Variants in SCEL observed in about 807,000 individuals in gnomAD.
SCEL encodes the protein sciellin.
A neutral mutation model predicts 117.6 loss-of-function variants in SCEL; 113 were observed. That is an observed-to-expected ratio of 0.96 (90% CI 0.83 to 1.12). The LOEUF is 1.12. SCEL is among the 50% of genes most tolerant of loss of function. The pLI is 0.00. For synonymous variants in SCEL, 270 were observed against 256.2 expected, an observed-to-expected ratio of 1.05 and a Z score of -0.51; for missense variants, 785 against 810.8, an observed-to-expected ratio of 0.97 and a Z score of 0.39.
intron 1 of SCEL, among the ~76,000 whole-genome samples, chr13:77,552,034 T>C (rs1316229085): frequency 2.6e-5 from 4 of 152,034 alleles, no homozygotes; most frequent in Non-Finnish European, 5.9e-5. Flanking sequence ...TCATCATTTT[T>C]TATGGCTGCA....
At chr13:77,623,749 C>T (rs1033604877) in intron 27 of SCEL, among the ~76,000 whole-genome samples, 6 of 152,218 alleles carry the variant, frequency 3.9e-5, no homozygotes, top group African/African-American at 9.6e-5. Flanking sequence ...AGAGGTTGAG[C>T]GACAGGTGGG....
chr13:77,569,530 T>G lies in SCEL; in HGVS notation c.479+79T>G, dbSNP rs559546921. On this transcript the variant is annotated intron_variant, in intron 8 of 32. Coordinates refer to ENST00000349847, the MANE Select transcript of SCEL (RefSeq NM_144777.3). The stretch of plus-strand genomic sequence containing the variant: ...TTAGAAAGCTTCCTCCTCTTTTTTG[T>G]GGGGATCCAGCATCTACATTCTGCT... 1.6e-4 allele frequency: 172 copies of G among 1,089,036 alleles called. 4 individuals are homozygous for G. In the East Asian group the frequency reaches 4.1e-3, roughly 26 times the overall value. The allele number at this position is 1,089,036 out of a possible 1,614,324, so 67.5% of individuals were successfully genotyped here.
rs763275814 is a variant in SCEL at position 77,556,596 on chromosome 13, A to G, written c.44A>G (p.Glu15Gly). The change falls in exon 3 of 33, where the codon GAG (glutamate) becomes GGG (glycine). Residue 15 changes from glutamate to glycine, a missense_variant and splice_region_variant. By Grantham distance (98) the Glu-to-Gly change is moderately conservative. Coordinates refer to ENST00000349847, the MANE Select transcript of SCEL (RefSeq NM_144777.3). ...CAGTCTTTCATGTTTCTGTTGATAG[A>G]GATGAAGAGCACCACTCAGGGAACC... ...TLRKMSPTGN[E>G]MKSTTQGTTR... The G allele has an allele frequency of 1.4e-5, 22 of 1,611,842 alleles. No individual in the cohort carries two copies. Among genetic ancestry groups the G allele is most frequent in the Admixed American group, 8.3e-5 (5 of 59,992 alleles).
intron 1 of SCEL, among the ~76,000 whole-genome samples, chr13:77,551,660 C>A (rs1266835296): frequency 6.6e-6 from 1 of 151,940 alleles, no homozygotes; most frequent in Non-Finnish European, 1.5e-5. Flanking sequence ...TAGTACCCAC[C>A]CTAAGGGCCT....
Position 77,572,126 on chromosome 13 carries a change from A to T in SCEL, c.482A>T (p.Gln161Leu), listed in dbSNP as rs1006462019. The T allele has an allele frequency of 2.5e-6, 4 of 1,612,538 alleles. No homozygotes were observed. The African/African-American group carries it at 5.3e-5, about 22-fold the overall frequency. ...SATTPVKKKRQSWFPPPPPGY... is the reference protein window; with the variant it reads ...SATTPVKKKRLSWFPPPPPGY... ...ATTACCGTGTCATTTCTTAACAGGCAGTCCTGGTTTCCACCGCCCCCTCCA... is the reference window on the plus strand; with the variant it reads ...ATTACCGTGTCATTTCTTAACAGGCTGTCCTGGTTTCCACCGCCCCCTCCA... Residue 161 changes from glutamine to leucine, a missense_variant and splice_region_variant, in exon 9 of 33, where the codon CAG becomes CTG. Physicochemically the swap from Gln to Leu is moderately radical, Grantham distance 113. Coordinates refer to ENST00000349847, the MANE Select transcript of SCEL (RefSeq NM_144777.3).
chr13:77,630,963 T>C (rs2089995367), intron 28 of SCEL, among the ~76,000 whole-genome samples: 1 of 152,220 alleles, frequency 6.6e-6, no homozygotes, highest in African/African-American at 2.4e-5. Flanking sequence ...GGTTCTTCTG[T>C]TGCGCTGTTT....
chr13:77,549,270 G>C (rs891494821), intron 1 of SCEL, among the ~76,000 whole-genome samples: 1 of 152,104 alleles, frequency 6.6e-6, no homozygotes, highest in African/African-American at 2.4e-5. Flanking sequence ...AAGTAAGATG[G>C]TATCTCATTT....
At position 77,574,922 on chromosome 13, in the gene SCEL, T is replaced by C. The variant is rs912598933; in HGVS notation, c.545+2733T>C. 2.0e-5 allele frequency among the ~76,000 whole-genome samples: 3 copies of C among 152,212 alleles called. No individual in the cohort carries two copies. The East Asian group carries it at 5.8e-4, about 29-fold the overall frequency. ...TTTCTCGTAAGACTGACACCCTCAC[T>C]TTTTCTGTTCTTAATTTTGCAAGCT... On this transcript the variant is annotated intron_variant, in intron 9 of 32. Coordinates refer to ENST00000349847, the MANE Select transcript of SCEL (RefSeq NM_144777.3).
chr13:77,631,937 TTGG>T (rs1242019966), intron 28 of SCEL, among the ~76,000 whole-genome samples: 1 of 152,122 alleles, frequency 6.6e-6, no homozygotes, highest in African/African-American at 2.4e-5. Flanking sequence ...CCTATCAGGG[TTGG>T]TTTTGGTGAG....
chr13:77,593,295 T>TGTGTGTGTGTGTGTGTGCGCGC (rs796907419), intron 11 of SCEL, among the ~76,000 whole-genome samples: 17 of 136,886 alleles, frequency 1.2e-4, no homozygotes, highest in African/African-American at 2.8e-4. Flanking sequence ...TGTGTGTGTG[T>TGTGTGTGTGTGTGTGTGCGCGC]GTCTGTGTGT....
chr13:77,571,364 G>A (rs1219502448), intron 8 of SCEL, among the ~76,000 whole-genome samples: 1 of 122,128 alleles, frequency 8.2e-6, no homozygotes, highest in Non-Finnish European at 1.6e-5. Context: ...CTGGGAGACA[G>A]CGAGACTACA....
chr13:77,552,528 T>C (rs1367234388), intron 1 of SCEL, among the ~76,000 whole-genome samples: 2 of 151,826 alleles, frequency 1.3e-5, no homozygotes, highest in Non-Finnish European at 3.0e-5. Flanking sequence ...CTTCGCCCAC[T>C]TTTTGATGGG....
At chr13:77,575,110 G>C (rs1385800518) in intron 9 of SCEL, among the ~76,000 whole-genome samples, 2 of 152,028 alleles carry the variant, frequency 1.3e-5, no homozygotes, top group Non-Finnish European at 2.9e-5. Flanking sequence ...TTAACACCAT[G>C]GGTTATCCCA....
chr13:77,614,156 C>T (rs954918099), intron 24 of SCEL, among the ~76,000 whole-genome samples: 1 of 152,144 alleles, frequency 6.6e-6, no homozygotes, highest in African/African-American at 2.4e-5. Context: ...TTTCTCTTCT[C>T]TAAGCCTCCA....
intron 24 of SCEL, among the ~76,000 whole-genome samples, chr13:77,615,561 C>A (rs1342553695): frequency 6.6e-6 from 1 of 151,934 alleles, no homozygotes. Context: ...TAATAATAAC[C>A]TAAATATCCT....
rs2083398637 is a variant in SCEL at position 77,535,813 on chromosome 13, T to A, written c.-31T>A. 6.6e-6 allele frequency: 1 copy of A among 152,258 alleles called. No homozygotes were observed. The highest frequency in any genetic ancestry group is 1.5e-5 in the Non-Finnish European group (1 of 68,046). 9.4% of individuals were successfully genotyped at this position (152,258 alleles called of 1,614,324 possible). A position where few individuals can be genotyped will look rare whatever the true frequency, so the allele number is the denominator to read the frequency against. On this transcript the variant is annotated 5_prime_UTR_variant, in exon 1 of 33. Coordinates refer to ENST00000349847, the MANE Select transcript of SCEL (RefSeq NM_144777.3). ...GGTTAGCCAAAAAGTCCTGATTTTC[T>A]GCTCAATAGAGGTAAGTTGAATTAT...
chr13:77,614,930 GT>G (rs1297107502), intron 24 of SCEL, among the ~76,000 whole-genome samples: 1 of 152,070 alleles, frequency 6.6e-6, no homozygotes, highest in Non-Finnish European at 1.5e-5. Flanking sequence ...AGAGAATTCA[GT>G]AGACATAGTC....
intron 32 of SCEL, 71 bp downstream of exon 32, chr13:77,642,879 T>C (rs1410486223): frequency 2.6e-6 from 2 of 776,600 alleles, no homozygotes; most frequent in Non-Finnish European, 4.1e-6. Context: ...TTTAAAATGA[T>C]GTATTTTAAT....
chr13:77,628,160 A>G (rs992208035), intron 28 of SCEL, 151 bp downstream of exon 28: 2 of 94,186 alleles, frequency 2.1e-5, no homozygotes, highest in East Asian at 6.7e-4. Flanking sequence ...GTGTGTATAT[A>G]TATGTGTGTG....
Sources: gnomAD v4.1 joint callset for allele counts (sites outside exome capture counted in the v4.1 genomes callset) on GRCh38, gnomAD v4.1.1 for gene constraint, MANE v1.5 for transcripts, NCBI Gene and HGNC (gene_info 2026-07-23, HGNC 2026-07-21) for gene names.